WDR37: variants seen among roughly 807,000 people sequenced by gnomAD.
The protein encoded by WDR37 is WD repeat-containing protein 37.
WDR37 carries 19 observed loss-of-function variants against 62.9 expected under a neutral mutation model. The ratio of observed to expected loss-of-function variants is 0.30; its 90% confidence interval spans 0.21 to 0.44. The LOEUF (loss-of-function observed/expected upper bound fraction) is 0.44. Ranked by LOEUF, WDR37 falls within the 20% of genes least tolerant of loss-of-function variation. The probability of loss-of-function intolerance (pLI) is 1.00; values close to 1 mark genes in which losing one functional copy is unlikely to be tolerated. For missense variants in WDR37, 474 were observed against 657.6 expected (o/e 0.72, Z 3.05); for synonymous variants, 250 against 260.9 (o/e 0.96, Z 0.40).
intron 2 of WDR37, among the ~76,000 whole-genome samples, chr10:1,076,598 G>A (rs1321776654): frequency 1.3e-5 from 2 of 150,978 alleles, no homozygotes; most frequent in East Asian, 3.9e-4. Flanking sequence ...AGAATGGCAC[G>A]AACCTGGGAG....
At chr10:1,101,589 C>T (rs540140543) in intron 9 of WDR37, among the ~76,000 whole-genome samples, 1 of 152,340 alleles carries the variant, frequency 6.6e-6, no homozygotes, top group East Asian at 1.9e-4. Flanking sequence ...GTTCCCTCCG[C>T]AGTTTGTTCA....
intron 13 of WDR37, among the ~76,000 whole-genome samples, chr10:1,126,224 T>G (rs371242936): frequency 3.3e-5 from 5 of 151,944 alleles, no homozygotes; most frequent in Admixed American, 6.5e-5. Flanking sequence ...ACTAACACGG[T>G]GAAACCCTGT....
intron 2 of WDR37, chr10:1,074,621 T>C (rs188845127): frequency 2.2e-6 from 2 of 921,566 alleles, no homozygotes; most frequent in African/African-American, 1.7e-5. Flanking sequence ...AGAGCTGTGG[T>C]GTCTGCCGCA....
intron 11 of WDR37, among the ~76,000 whole-genome samples, chr10:1,107,399 G>C (rs1414202842): frequency 6.6e-6 from 1 of 152,256 alleles, no homozygotes; most frequent in Non-Finnish European, 1.5e-5. Flanking sequence ...GGAGCAAGAT[G>C]GTCTCACTCC....
chr10:1,066,396 G>A (rs374664417), intron 1 of WDR37, among the ~76,000 whole-genome samples: 23 of 152,318 alleles, frequency 1.5e-4, no homozygotes, highest in Admixed American at 2.6e-4. Flanking sequence ...GATTATAGGC[G>A]TGAGCCACCT....
Position 1,105,363 on chromosome 10 carries a change from C to T in WDR37, c.1103+96C>T, listed in dbSNP as rs182474553. On this transcript the variant is annotated intron_variant, in intron 11 of 13. Transcript: ENST00000263150. The surrounding 1 kb of genome is among the most constrained non-coding windows in gnomAD (Gnocchi z 5.3). ...TTCTAGCCTTAATTTTCAGTATTTC[C>T]GACTCTACTATCTTTCAAAAAAATA... The T allele has an allele frequency of 8.4e-4, 1,189 of 1,420,184 alleles. 11 individuals carry two copies. The African/African-American group carries it at 0.015, about 18-fold the overall frequency. 88.0% of individuals were successfully genotyped at this position (1,420,184 alleles called of 1,614,324 possible).
chr10:1,071,040 C>G (rs538665420), intron 1 of WDR37, among the ~76,000 whole-genome samples: 1 of 152,320 alleles, frequency 6.6e-6, no homozygotes, highest in Non-Finnish European at 1.5e-5. Context: ...TTGCGTAAGT[C>G]ACCATTGTAA....
At chr10:1,125,659 G>A (rs1835718889) in intron 13 of WDR37, among the ~76,000 whole-genome samples, 1 of 152,192 alleles carries the variant, frequency 6.6e-6, no homozygotes, top group South Asian at 2.1e-4. Flanking sequence ...GTCTGCAGTT[G>A]TGTCTGTGCA....
intron 9 of WDR37, among the ~76,000 whole-genome samples, chr10:1,102,750 G>C (rs1350530174): frequency 6.6e-6 from 1 of 152,152 alleles, no homozygotes; most frequent in African/African-American, 2.4e-5. Context: ...GATTTGGGCT[G>C]GGACAAATTT....
chr10:1,084,665 AC>A, intron 6 of WDR37, 127 bp downstream of exon 6: 1 of 1,337,712 alleles, frequency 7.5e-7, no homozygotes, highest in Non-Finnish European at 1.0e-6. Context: ...AGTCAGTGGA[AC>A]CCCCCACACA....
intron 11 of WDR37, among the ~76,000 whole-genome samples, chr10:1,117,082 C>T (rs546808623): frequency 2.6e-5 from 4 of 152,210 alleles, no homozygotes; most frequent in South Asian, 4.2e-4. Flanking sequence ...TGAGACAGGG[C>T]GTCACCCTCT....
rs767737606 is a variant in WDR37, at chr10:1,103,688, C to T, written c.813C>T (p.Arg271=). The change falls in exon 10 of 14, where the codon CGC becomes CGT. Residue 271 remains arginine, a synonymous_variant. Transcript: ENST00000263150. The surrounding 1 kb of genome is among the most constrained non-coding windows in gnomAD (Gnocchi z 6.3). The part of the protein sequence containing the change: ...GDVSSDCPTI[R]VPLTSLKSHQ... ...TGTCCAGCGACTGCCCCACCATCCG[C>T]GTCCCACTGACATCCCTCAAGAGCC... is the stretch of plus-strand genomic sequence containing the variant. The T allele has an allele frequency of 8.1e-6, 13 of 1,614,244 alleles. No individual in the cohort carries two copies. The highest frequency in any genetic ancestry group is 1.0e-5 in the Non-Finnish European group (12 of 1,180,042).
chr10:1,101,198 A>G (rs11250263), intron 9 of WDR37, among the ~76,000 whole-genome samples: 20,209 of 152,194 alleles, frequency 0.13, 1,519 homozygotes, highest in East Asian at 0.19. Flanking sequence ...TGGGGCTGCC[A>G]TAACAAAGTG....
intron 8 of WDR37, 135 bp from the exon 9 acceptor site, chr10:1,096,035 A>G: frequency 1.4e-6 from 1 of 725,570 alleles, no homozygotes; most frequent in Non-Finnish European, 2.3e-6. Context: ...TATTTAAGTA[A>G]AAAGTACATT....
intron 3 of WDR37, among the ~76,000 whole-genome samples, chr10:1,079,236 C>T (rs1216107712): frequency 2.0e-5 from 3 of 150,978 alleles, no homozygotes; most frequent in African/African-American, 7.4e-5. Context: ...AGGCACCCAC[C>T]ACCATGCCTG....
chr10:1,083,148 T>G (rs1481943878), intron 5 of WDR37, among the ~76,000 whole-genome samples: 2 of 152,234 alleles, frequency 1.3e-5, no homozygotes, highest in African/African-American at 4.8e-5. Context: ...AATGACACTT[T>G]CTGTAAGCAA....
chr10:1,072,821 ACAAAT>A (rs1190986373), intron 2 of WDR37, among the ~76,000 whole-genome samples: 1 of 152,242 alleles, frequency 6.6e-6, no homozygotes, highest in Admixed American at 6.5e-5. Flanking sequence ...CTAAGTAATA[ACAAAT>A]CAAAGTGGGT....
Position 1,087,956 on chromosome 10 carries a change from G to A in WDR37, c.604+1599G>A, listed in dbSNP as rs552971478. ...ACCATCTTCACCAATGAGCTCAGCT[G>A]GATCTTCTGGAGAACTTGCTGCAGC... On this transcript the variant is annotated intron_variant, in intron 7 of 13. Coordinates refer to ENST00000263150, the MANE Select transcript of WDR37 (RefSeq NM_014023.4). Among the ~76,000 whole-genome samples the A allele has an allele frequency of 8.5e-5, 13 of 152,348 alleles. No individual in the cohort carries two copies. In the East Asian group the frequency reaches 1.5e-3, roughly 18 times the overall value.
At chr10:1,100,438 C>G (rs1310554235) in intron 9 of WDR37, among the ~76,000 whole-genome samples, 2 of 151,988 alleles carry the variant, frequency 1.3e-5, no homozygotes, top group African/African-American at 4.8e-5. Flanking sequence ...GTTTTGTTTT[C>G]TGAAGCTTTT....
Sources: gnomAD v4.1 joint callset for allele counts (sites outside exome capture counted in the v4.1 genomes callset) on GRCh38, gnomAD v4.1.1 for gene constraint, Gnocchi (gnomAD v3.1) non-coding constraint, MANE v1.5 for transcripts, NCBI Gene and HGNC (gene_info 2026-07-23, HGNC 2026-07-21) for gene names.